ROR2: variants seen among roughly 807,000 people sequenced by gnomAD.
ROR2 encodes the protein tyrosine-protein kinase transmembrane receptor ROR2.
Under a neutral mutation model 74.9 loss-of-function variants are expected in ROR2, and 33 were observed. The observed-to-expected ratio is 0.44, with a 90% confidence interval of 0.33 to 0.59. The LOEUF (loss-of-function observed/expected upper bound fraction) is 0.59, where lower values mean the gene tolerates loss of function less well. Among genes scored for constraint, ROR2 ranks in the 20% least tolerant of loss-of-function variants. The pLI is 0.02. For missense variants in ROR2, 1,216 were observed against 1,313.8 expected (o/e 0.93, Z 1.15); for synonymous variants, 586 against 558.7 (o/e 1.05, Z -0.69).
At chr9:91,942,032 G>A (rs544269769) in intron 1 of ROR2, among the ~76,000 whole-genome samples, 107 of 152,026 alleles carry the variant, frequency 7.0e-4, no homozygotes, top group Non-Finnish European at 1.1e-3. Flanking sequence ...CTTGTGATCC[G>A]CTGGCCTCAG....
intron 1 of ROR2, among the ~76,000 whole-genome samples, chr9:91,806,460 G>A (rs1312767018): frequency 2.0e-5 from 3 of 152,216 alleles, no homozygotes; most frequent in Middle Eastern, 3.2e-3. Context: ...CACCTTGGGG[G>A]TGAGGATTTC....
intron 1 of ROR2, among the ~76,000 whole-genome samples, chr9:91,867,876 T>C (rs1002272825): frequency 6.6e-6 from 1 of 152,142 alleles, no homozygotes; most frequent in African/African-American, 2.4e-5. Flanking sequence ...ACTTGCAGCC[T>C]GAACCCAAAC....
At chr9:91,739,513 T>TAAAAAAAAAAA (rs71362359) in intron 4 of ROR2, among the ~76,000 whole-genome samples, 1 of 105,604 alleles carries the variant, frequency 9.5e-6, no homozygotes, top group Non-Finnish European at 1.9e-5. Context: ...TCTTTAAATT[T>TAAAAAAAAAAA]AAAAAAAAAA....
At chr9:91,832,563 G>T (rs747758014) in intron 1 of ROR2, among the ~76,000 whole-genome samples, 56 of 152,024 alleles carry the variant, frequency 3.7e-4, no homozygotes, top group Non-Finnish European at 6.3e-4. Context: ...GCCTGGCTCA[G>T]TGAGTAGAAG....
chr9:91,822,244 G>A (rs1003768512), intron 1 of ROR2, among the ~76,000 whole-genome samples: 1 of 152,116 alleles, frequency 6.6e-6, no homozygotes, highest in Non-Finnish European at 1.5e-5. Flanking sequence ...GGCCACTCAG[G>A]GTCCCTGAGC....
At chr9:91,937,029 C>CAAAA (rs540672189) in intron 1 of ROR2, among the ~76,000 whole-genome samples, 2,579 of 65,558 alleles carry the variant, frequency 0.039, 348 homozygotes, top group African/African-American at 0.15. Context: ...GACTCCGTCT[C>CAAAA]AAAAAAAAAA....
intron 1 of ROR2, chr9:91,948,781 C>T: frequency 1.0e-6 from 1 of 985,466 alleles, no homozygotes; most frequent in Non-Finnish European, 1.2e-6. Context: ...CTCACACATT[C>T]CGGGGGCTTC....
chr9:91,732,781 G>T (rs1358090706), intron 6 of ROR2, among the ~76,000 whole-genome samples: 1 of 152,160 alleles, frequency 6.6e-6, no homozygotes, highest in South Asian at 2.1e-4. Flanking sequence ...TCTCATGCCC[G>T]CAACAGCCAT....
intron 1 of ROR2, among the ~76,000 whole-genome samples, chr9:91,837,851 G>C (rs1828657201): frequency 6.6e-6 from 1 of 152,152 alleles, no homozygotes; most frequent in African/African-American, 2.4e-5. Context: ...AGAAGTAAAA[G>C]AATAAGGAAT....
At chr9:91,882,431 C>T (rs1830140205) in intron 1 of ROR2, among the ~76,000 whole-genome samples, 1 of 151,060 alleles carries the variant, frequency 6.6e-6, no homozygotes, top group African/African-American at 2.4e-5. Context: ...AAAAAACTAG[C>T]CCATGACCAA....
At chr9:91,865,023 C>T (rs1471613103) in intron 1 of ROR2, among the ~76,000 whole-genome samples, 1 of 152,196 alleles carries the variant, frequency 6.6e-6, no homozygotes, top group Non-Finnish European at 1.5e-5. Flanking sequence ...TTGCAAAATG[C>T]TCACCTCAAC....
At chr9:91,864,687 T>C (rs950500758) in intron 1 of ROR2, among the ~76,000 whole-genome samples, 3 of 152,210 alleles carry the variant, frequency 2.0e-5, no homozygotes, top group Non-Finnish European at 4.4e-5. Context: ...CCCACGTCCA[T>C]GCTGGCATGT....
intron 1 of ROR2, among the ~76,000 whole-genome samples, chr9:91,943,794 G>A (rs1380773497): frequency 1.3e-5 from 2 of 152,220 alleles, no homozygotes; most frequent in East Asian, 1.9e-4. Flanking sequence ...CTAGTTTCCT[G>A]CTATTCTTAG....
At chr9:91,941,843 T>C (rs999671756) in intron 1 of ROR2, among the ~76,000 whole-genome samples, 1 of 145,328 alleles carries the variant, frequency 6.9e-6, no homozygotes, top group African/African-American at 2.6e-5. Context: ...CAGACTGGAG[T>C]GTAGTGGCAC....
At chr9:91,913,393 G>A (rs1219035895) in intron 1 of ROR2, among the ~76,000 whole-genome samples, 1 of 151,842 alleles carries the variant, frequency 6.6e-6, no homozygotes, top group African/African-American at 2.4e-5. Context: ...TTCTCTCTTT[G>A]TTCCAGAGAA....
intron 1 of ROR2, among the ~76,000 whole-genome samples, chr9:91,908,912 A>G (rs2119441949): frequency 7.5e-6 from 1 of 133,050 alleles, no homozygotes; most frequent in Admixed American, 8.9e-5. Context: ...TCCACTGACC[A>G]TGAGGGAGTT....
At chr9:91,760,201 T>C (rs1033737881) in intron 2 of ROR2, among the ~76,000 whole-genome samples, 1 of 152,180 alleles carries the variant, frequency 6.6e-6, no homozygotes, top group Non-Finnish European at 1.5e-5. Context: ...TGGAAGGTGT[T>C]TTCTGGCTGC....
At chr9:91,732,984 G>A in intron 6 of ROR2, 138 bp downstream of exon 6, 1 of 855,446 alleles carries the variant, frequency 1.2e-6, no homozygotes, top group Non-Finnish European at 1.8e-6. Context: ...TAGGCTGTGG[G>A]GCCCTCGGCT....
chr9:91,724,956 G>A lies in ROR2; in HGVS notation c.1538C>T (p.Ala513Val), dbSNP rs755892163. 4.8e-5 allele frequency: 77 copies of A among 1,613,450 alleles called. No homozygotes were observed. The highest frequency in any genetic ancestry group is 3.3e-4 in the Middle Eastern group (2 of 6,084). Residue 513 changes from alanine (A) to valine (V), a missense_variant, in exon 9 of 9, where the codon GCG (alanine) becomes GTG (valine). Transcript: ENST00000375708. ...GAACTCCTCCCGCAGGGGCCCCTCC[G>A]CTTTGTCCTTCAGCGTTTTGATGGC... Reference protein sequence around the residue: ...AVAIKTLKDKAEGPLREEFRH... With the variant: ...AVAIKTLKDKVEGPLREEFRH...
Sources: allele counts gnomAD v4.1 joint callset (sites outside exome capture counted in the v4.1 genomes callset), GRCh38; gene constraint gnomAD v4.1.1; transcripts MANE v1.5; gene names NCBI Gene and HGNC (gene_info 2026-07-23, HGNC 2026-07-21).